The following KHDRBS1 variants were observed in gnomAD, a reference collection of about 807,000 sequenced individuals.
The protein encoded by KHDRBS1 is KH RNA binding domain containing, signal transduction associated 1.
KHDRBS1 carries 7 observed loss-of-function variants against 48.4 expected under a neutral mutation model. The observed-to-expected ratio is 0.14, with a 90% CI of 0.08 to 0.27. The LOEUF is 0.27. KHDRBS1 is among the 10% of genes least tolerant of loss of function. KHDRBS1 has a pLI of 1.00. For missense variants in KHDRBS1, 458 were observed against 601.2 expected (o/e 0.76, Z 2.49); for synonymous variants, 241 against 235.8 (o/e 1.02, Z -0.20).
At chr1:32,052,589 G>A (rs1389673277) in intron 10 of KHDRBS1, 1 of 151,996 alleles carries the variant, frequency 6.6e-6, no homozygotes, top group Non-Finnish European at 1.5e-5. Flanking sequence ...AGTAGAGACG[G>A]GGTTTCACTG....
chr1:32,015,578 C>T (rs759649905), intron 1 of KHDRBS1, among the ~76,000 whole-genome samples: 5 of 152,142 alleles, frequency 3.3e-5, no homozygotes, highest in Non-Finnish European at 5.9e-5. Context: ...AACTGTTGAT[C>T]CTTAAAAGTT....
chr1:32,017,756 T>C (rs915656563), intron 1 of KHDRBS1, among the ~76,000 whole-genome samples: 1 of 151,878 alleles, frequency 6.6e-6, no homozygotes, highest in African/African-American at 2.4e-5. Context: ...TATAGGCATG[T>C]GCCACCACGC....
intron 1 of KHDRBS1, among the ~76,000 whole-genome samples, chr1:32,023,907 G>T (rs1381650373): frequency 6.6e-6 from 1 of 152,126 alleles, no homozygotes; most frequent in African/African-American, 2.4e-5. Flanking sequence ...TAAATAAAGT[G>T]TGCCCCCCAC....
At chr1:32,015,015 G>A (rs1638708669) in intron 1 of KHDRBS1, among the ~76,000 whole-genome samples, 1 of 152,192 alleles carries the variant, frequency 6.6e-6, no homozygotes, top group Non-Finnish European at 1.5e-5. Context: ...TTGCTACTGA[G>A]CCATTTTACA....
chr1:32,013,868 C>G lies in KHDRBS1; in HGVS notation c.-128C>G. The G allele has an allele frequency of 1.1e-6, 1 of 904,926 alleles. No homozygotes were observed. The highest frequency in any genetic ancestry group is 3.3e-5 in the East Asian group (1 of 30,072). 56.1% of individuals were successfully genotyped at this position (904,926 alleles called of 1,614,324 possible). A position where few individuals can be genotyped will look rare whatever the true frequency, so the allele number is the denominator to read the frequency against. On this transcript the variant is annotated 5_prime_UTR_variant, in exon 1 of 9. Coordinates refer to ENST00000327300, the MANE Select transcript of KHDRBS1 (RefSeq NM_006559.3). ...CGCGCCGCCTCATTTCCGGTGCTCTCTCTCGCTGGGTCGCTCGGGTCGGCT... is the reference window on the plus strand; with the variant it reads ...CGCGCCGCCTCATTTCCGGTGCTCTGTCTCGCTGGGTCGCTCGGGTCGGCT...
intron 2 of KHDRBS1, among the ~76,000 whole-genome samples, chr1:32,030,960 A>C (rs1639070279): frequency 6.6e-6 from 1 of 151,942 alleles, no homozygotes; most frequent in South Asian, 2.1e-4. Flanking sequence ...ATGTATGTTA[A>C]GTGCTGGGCC....
intron 10 of KHDRBS1, among the ~76,000 whole-genome samples, chr1:32,053,881 G>A (rs59205014): frequency 6.6e-5 from 10 of 152,160 alleles, no homozygotes; most frequent in African/African-American, 2.4e-4. Context: ...TCAGGAGTTC[G>A]AGACCAGCCT....
chr1:32,040,010 T>TA lies in KHDRBS1; in HGVS notation c.1234+447dup, dbSNP rs968185640. 2.3e-3 allele frequency among the ~76,000 whole-genome samples: 344 copies of TA among 150,176 alleles called. 4 individuals are homozygous for TA. The highest frequency in any genetic ancestry group is 7.7e-3 in the African/African-American group (314 of 41,002). On this transcript the variant is annotated intron_variant, in intron 8 of 8. Transcript: ENST00000327300. Reference sequence around the variant, plus strand: ...ACTGTACTCATCTACCCCATTTCATTAAAAAAAAAATTTAGATCTCATTGA... The same window carrying TA: ...ACTGTACTCATCTACCCCATTTCATTAAAAAAAAAAATTTAGATCTCATTGA...
chr1:32,021,830 T>C (rs1285231890), intron 1 of KHDRBS1, among the ~76,000 whole-genome samples: 1 of 152,042 alleles, frequency 6.6e-6, no homozygotes, highest in Admixed American at 6.6e-5. Context: ...TTTGTATTTT[T>C]AGTAGAGACA....
Position 32,036,993 on chromosome 1 carries a change from G to A in KHDRBS1, c.855G>A (p.Gly285=). ...NGVPEPSRGR[G]VPVRGRGAAP... ...TACCTGAACCCTCTCGTGGACGTGG[G>A]GTGCCAGTGAGAGGCCGGGGAGCTG... The change falls in exon 5 of 9, where the codon GGG becomes GGA. Residue 285 remains glycine, a synonymous_variant. Transcript: ENST00000327300. 1 of 1,613,980 alleles carries A rather than the reference G, an allele frequency of 6.2e-7. No individual in the cohort carries two copies. The highest frequency in any genetic ancestry group is 8.5e-7 in the Non-Finnish European group (1 of 1,179,948).
At chr1:32,021,887 G>C (rs770109769) in intron 1 of KHDRBS1, among the ~76,000 whole-genome samples, 6 of 151,880 alleles carry the variant, frequency 4.0e-5, no homozygotes, top group Admixed American at 6.6e-5. Context: ...CTGACCTCAG[G>C]TTATCTGCCT....
Position 32,033,354 on chromosome 1 carries a change from G to T in KHDRBS1, c.771+20G>T. The T allele has an allele frequency of 6.2e-7, 1 of 1,612,404 alleles. No individual in the cohort carries two copies. The highest frequency in any genetic ancestry group is 8.5e-7 in the Non-Finnish European group (1 of 1,178,572). On this transcript the variant is annotated intron_variant, in intron 4 of 8. Coordinates refer to ENST00000327300, the MANE Select transcript of KHDRBS1 (RefSeq NM_006559.3). ...GTACCGGTAAGGAAATCCATATCCT[G>T]TGTCTTCTGAGCAAAAGAGAACTGG...
chr1:32,022,360 T>C (rs955148761), intron 1 of KHDRBS1, among the ~76,000 whole-genome samples: 2 of 152,142 alleles, frequency 1.3e-5, no homozygotes, highest in Non-Finnish European at 2.9e-5. Context: ...AGCATTGTAC[T>C]GTACTAAGAA....
At chr1:32,044,305 C>T (rs889235850), downstream of KHDRBS1, among the ~76,000 whole-genome samples, 1 of 152,242 alleles carries the variant, frequency 6.6e-6, no homozygotes, top group Non-Finnish European at 1.5e-5. Flanking sequence ...GGGACAGCAT[C>T]TGCCTTTAGG....
chr1:32,014,190 G>T lies in KHDRBS1; in HGVS notation c.195G>T (p.Pro65=). The T allele has an allele frequency of 7.4e-7, 1 of 1,350,096 alleles. No individual in the cohort carries two copies. The highest frequency in any genetic ancestry group is 9.6e-7 in the Non-Finnish European group (1 of 1,045,266). 83.6% of individuals were successfully genotyped at this position (1,350,096 alleles called of 1,614,324 possible). The change falls in exon 1 of 9, where the codon CCG becomes CCT. Residue 65 remains proline, a synonymous_variant. Coordinates refer to ENST00000327300, the MANE Select transcript of KHDRBS1 (RefSeq NM_006559.3). ...CCTCGCCCGCCACGCAGCCGCCACCGCTGCTGCCGCCCTCGGCCACGGGTC... is the reference window on the plus strand; with the variant it reads ...CCTCGCCCGCCACGCAGCCGCCACCTCTGCTGCCGCCCTCGGCCACGGGTC... ...ARASPATQPP[P]LLPPSATGPD...
intron 10 of KHDRBS1, among the ~76,000 whole-genome samples, chr1:32,059,233 G>C (rs967840280): frequency 6.7e-6 from 1 of 150,256 alleles, no homozygotes; most frequent in African/African-American, 2.4e-5. Context: ...CCAGGTTACT[G>C]ACTGGAACAA....
At chr1:32,017,198 C>T (rs1040018742) in intron 1 of KHDRBS1, among the ~76,000 whole-genome samples, 2 of 151,022 alleles carry the variant, frequency 1.3e-5, no homozygotes, top group Non-Finnish European at 2.9e-5. Context: ...TTGGAGGTTA[C>T]AGTGAGCCCA....
intron 5 of KHDRBS1, among the ~76,000 whole-genome samples, chr1:32,037,624 CCCAAGG>C (rs1639207962): frequency 6.6e-6 from 1 of 152,108 alleles, no homozygotes; most frequent in Non-Finnish European, 1.5e-5. Context: ...TCCAGACCTA[CCCAAGG>C]CAGTGCAGTG....
At chr1:32,032,367 C>A (rs532507398) in intron 3 of KHDRBS1, among the ~76,000 whole-genome samples, 1 of 152,304 alleles carries the variant, frequency 6.6e-6, no homozygotes, top group East Asian at 1.9e-4. Context: ...TTGCTAGATG[C>A]ATATAGTTAC....
Sources: allele counts gnomAD v4.1 joint callset (sites outside exome capture counted in the v4.1 genomes callset), GRCh38; gene constraint gnomAD v4.1.1; transcripts MANE v1.5; gene names NCBI Gene and HGNC (gene_info 2026-07-23, HGNC 2026-07-21).